The following PARD3B variants were observed in gnomAD, a reference collection of about 807,000 sequenced individuals.
PARD3B encodes the protein par-3 family cell polarity regulator beta, also known as partitioning defective 3 homolog B.
Under a neutral mutation model 130.2 loss-of-function variants are expected in PARD3B, and 103 were observed. That is an observed-to-expected ratio of 0.79 (90% CI 0.67 to 0.93). PARD3B has a LOEUF of 0.93. Among genes scored for constraint, PARD3B ranks in the 40% least tolerant of loss-of-function variants. The pLI, the probability that PARD3B is intolerant of heterozygous loss-of-function variation, is 0.00. For missense variants in PARD3B, 1,609 were observed against 1,499.2 expected (o/e 1.07, Z -1.21); for synonymous variants, 583 against 553.2 (o/e 1.05, Z -0.76).
chr2:205,596,395 T>G (rs946180484), intron 22 of PARD3B, among the ~76,000 whole-genome samples: 36 of 152,220 alleles, frequency 2.4e-4, no homozygotes, highest in African/African-American at 8.0e-4. Context: ...ATGCTGATGC[T>G]ATCTCCAAAG....
chr2:204,875,492 A>G (rs770790409), intron 2 of PARD3B, among the ~76,000 whole-genome samples: 1 of 152,030 alleles, frequency 6.6e-6, no homozygotes, highest in Non-Finnish European at 1.5e-5. Context: ...GCAGATTCTG[A>G]TTAGGTGGGT....
chr2:205,197,289 T>C (rs1302436024), intron 15 of PARD3B, among the ~76,000 whole-genome samples: 1 of 152,200 alleles, frequency 6.6e-6, no homozygotes, highest in Non-Finnish European at 1.5e-5. Context: ...TTTTGTTCTT[T>C]ATTCTATTAG....
At chr2:204,948,160 T>C (rs1689483476) in intron 2 of PARD3B, among the ~76,000 whole-genome samples, 2 of 152,196 alleles carry the variant, frequency 1.3e-5, no homozygotes, top group Admixed American at 1.3e-4. Context: ...CTTCAAACTA[T>C]AAATTAATGT....
At chr2:204,959,678 G>A (rs1056603901) in intron 2 of PARD3B, among the ~76,000 whole-genome samples, 2 of 152,112 alleles carry the variant, frequency 1.3e-5, no homozygotes, top group Non-Finnish European at 2.9e-5. Flanking sequence ...AGAAAAATAT[G>A]GAATGAGTTT....
chr2:205,006,023 T>A (rs938260378), intron 3 of PARD3B, among the ~76,000 whole-genome samples: 2 of 152,214 alleles, frequency 1.3e-5, no homozygotes, highest in Non-Finnish European at 2.9e-5. Flanking sequence ...CTTTGCATCG[T>A]CATAGCTTAG....
chr2:204,990,907 G>A (rs963404560), intron 3 of PARD3B, among the ~76,000 whole-genome samples: 7 of 152,112 alleles, frequency 4.6e-5, no homozygotes, highest in Admixed American at 1.3e-4. Flanking sequence ...GTGAGATAGG[G>A]GTACAGCTTT....
intron 2 of PARD3B, among the ~76,000 whole-genome samples, chr2:204,749,737 G>A (rs1158362102): frequency 6.6e-6 from 1 of 152,128 alleles, no homozygotes; most frequent in Non-Finnish European, 1.5e-5. Flanking sequence ...AACTGGGCTT[G>A]CGAAGATTCT....
chr2:205,003,400 G>T (rs112034648), intron 3 of PARD3B, among the ~76,000 whole-genome samples: 4 of 152,216 alleles, frequency 2.6e-5, no homozygotes, highest in African/African-American at 9.6e-5. Context: ...GCCTAGCAGG[G>T]TACAAGGCCT....
chr2:204,709,138 C>T (rs2038317892), intron 2 of PARD3B, among the ~76,000 whole-genome samples: 1 of 151,828 alleles, frequency 6.6e-6, no homozygotes, highest in African/African-American at 2.4e-5. Context: ...ATTATCTTAC[C>T]CTTTTGAAAA....
chr2:205,167,950 A>G (rs1028789275), intron 11 of PARD3B, among the ~76,000 whole-genome samples: 6 of 152,346 alleles, frequency 3.9e-5, no homozygotes, highest in African/African-American at 1.2e-4. Flanking sequence ...GGGAGATGTC[A>G]TACTCAAAGG....
rs764563042 is a variant in PARD3B at position 205,568,040 on chromosome 2, C to A, written c.3260+14637C>A. ...TGTTCCTAAGATATCAACTCCCCAG[C>A]ACTTCTTCCTGTCCAGTGCACTGGT... is the stretch of plus-strand genomic sequence containing the variant. On this transcript the variant is annotated intron_variant, in intron 22 of 22. Transcript: ENST00000406610. The surrounding 1 kb of genome is among the most constrained non-coding windows in gnomAD (Gnocchi z 5.3). Among the ~76,000 whole-genome samples the A allele has an allele frequency of 1.3e-5, 2 of 152,188 alleles. No homozygotes were observed. The highest frequency in any genetic ancestry group is 4.1e-4 in the South Asian group (2 of 4,830).
chr2:205,582,051 C>T (rs10932118), intron 22 of PARD3B, among the ~76,000 whole-genome samples: 73,261 of 151,984 alleles, frequency 0.48, 17,840 homozygotes, highest in South Asian at 0.58. Context: ...TGCAATCAGT[C>T]CTCAATCTCA....
intron 3 of PARD3B, among the ~76,000 whole-genome samples, chr2:205,003,449 A>G (rs1004722879): frequency 6.6e-6 from 1 of 152,108 alleles, no homozygotes; most frequent in Non-Finnish European, 1.5e-5. Flanking sequence ...CTCATGCCCT[A>G]CTACTTTTTC....
chr2:204,561,426 C>CT (rs1047338763), intron 1 of PARD3B, among the ~76,000 whole-genome samples: 78 of 152,234 alleles, frequency 5.1e-4, no homozygotes, highest in African/African-American at 1.4e-3. Context: ...GGAGGCTGAG[C>CT]TGAGTGGACT....
intron 1 of PARD3B, among the ~76,000 whole-genome samples, chr2:204,593,740 A>C (rs1049788471): frequency 6.6e-6 from 1 of 152,156 alleles, no homozygotes; most frequent in South Asian, 2.1e-4. Context: ...GTCAAACTTC[A>C]CTCCAGGTCC....
chr2:205,499,599 G>C (rs971814361), intron 20 of PARD3B, among the ~76,000 whole-genome samples: 7 of 152,022 alleles, frequency 4.6e-5, no homozygotes, highest in African/African-American at 1.7e-4. Flanking sequence ...GTGATTATAA[G>C]AAAAAAGTGG....
chr2:205,242,400 A>T (rs374174820), intron 15 of PARD3B, among the ~76,000 whole-genome samples: 21 of 152,328 alleles, frequency 1.4e-4, no homozygotes, highest in Middle Eastern at 3.4e-3. Context: ...TAGATTTTTT[A>T]AAAAAGATAA....
chr2:204,582,478 A>T (rs1297425458), intron 1 of PARD3B, among the ~76,000 whole-genome samples: 1 of 145,438 alleles, frequency 6.9e-6, no homozygotes, highest in Non-Finnish European at 1.5e-5. Flanking sequence ...AAGGGAAACA[A>T]GTTTGAGTGA....
chr2:205,614,344 C>T (rs777005146), intron 22 of PARD3B, among the ~76,000 whole-genome samples: 34 of 152,098 alleles, frequency 2.2e-4, no homozygotes, highest in Non-Finnish European at 4.9e-4. Flanking sequence ...TTGGCATTTC[C>T]CTATTCTGCT....
Sources: gnomAD v4.1 joint callset for allele counts (sites outside exome capture counted in the v4.1 genomes callset) on GRCh38, gnomAD v4.1.1 for gene constraint, Gnocchi (gnomAD v3.1) non-coding constraint, MANE v1.5 for transcripts, NCBI Gene and HGNC (gene_info 2026-07-23, HGNC 2026-07-21) for gene names.